The following PTPRD variants were observed in gnomAD, a reference collection of about 807,000 sequenced individuals.
The protein encoded by PTPRD is protein tyrosine phosphatase receptor type D, also known as receptor-type tyrosine-protein phosphatase delta.
PTPRD carries 34 observed loss-of-function variants against 214.5 expected under a neutral mutation model. That is an observed-to-expected ratio of 0.16 (90% CI 0.12 to 0.21). The LOEUF (loss-of-function observed/expected upper bound fraction) is 0.21. PTPRD is among the 10% of genes least tolerant of loss of function. The pLI is 1.00. For synonymous variants in PTPRD, 1,128 were observed against 845.7 expected (o/e 1.33, Z -5.79); for missense variants, 2,545 against 2,398.7 (o/e 1.06, Z -1.27).
intron 8 of PTPRD, among the ~76,000 whole-genome samples, chr9:9,466,454 GA>G (rs1317971754): frequency 6.6e-6 from 1 of 152,038 alleles, no homozygotes; most frequent in Non-Finnish European, 1.5e-5. Flanking sequence ...AATCACTGTA[GA>G]AAAAAATAAT....
chr9:10,226,442 A>G (rs1227650762), intron 3 of PTPRD, among the ~76,000 whole-genome samples: 1 of 152,036 alleles, frequency 6.6e-6, no homozygotes, highest in East Asian at 1.9e-4. Context: ...GAGGCTGAGT[A>G]TGAGGGAGGC....
At chr9:9,566,272 CAT>C (rs1369927812) in intron 8 of PTPRD, among the ~76,000 whole-genome samples, 2 of 151,878 alleles carry the variant, frequency 1.3e-5, no homozygotes, top group African/African-American at 4.8e-5. Context: ...ATAATTTGCA[CAT>C]GTTGATCTGT....
In PTPRD at chr9:9,462,880, G is replaced by C. The variant is rs10977781; in HGVS notation, c.-236-65398C>G. Among the ~76,000 whole-genome samples the C allele has an allele frequency of 5.5e-3, 830 of 152,152 alleles. 4 individuals carry two copies. Among genetic ancestry groups the C allele is most frequent in the African/African-American group, 0.019 (775 of 41,518 alleles). ...CCCTTAGTCTTTACCAAAAGTTCTT[G>C]TCTGCTGTGACCCACAAAAAATGAA... On this transcript the variant is annotated intron_variant, in intron 8 of 45. Transcript: ENST00000381196.
chr9:9,537,681 A>C (rs2154269373), intron 8 of PTPRD, among the ~76,000 whole-genome samples: 1 of 152,062 alleles, frequency 6.6e-6, no homozygotes, highest in African/African-American at 2.4e-5. Flanking sequence ...GATATCACCT[A>C]ATAGCTTTAT....
At chr9:9,593,058 A>T (rs2092903595) in intron 7 of PTPRD, among the ~76,000 whole-genome samples, 1 of 151,372 alleles carries the variant, frequency 6.6e-6, no homozygotes, top group African/African-American at 2.4e-5. Context: ...GAGAAAGAGA[A>T]AGAGAGAAAG....
intron 4 of PTPRD, among the ~76,000 whole-genome samples, chr9:10,006,745 G>T (rs2096485481): frequency 6.6e-6 from 1 of 151,816 alleles, no homozygotes; most frequent in Non-Finnish European, 1.5e-5. Flanking sequence ...TATTGCTCCA[G>T]CCTATCAATG....
At chr9:8,906,607 T>C (rs529555305) in intron 11 of PTPRD, among the ~76,000 whole-genome samples, 18 of 152,170 alleles carry the variant, frequency 1.2e-4, no homozygotes, top group Non-Finnish European at 2.4e-4. Context: ...AGGATTTACT[T>C]GTAAAAAGTG....
intron 3 of PTPRD, among the ~76,000 whole-genome samples, chr9:10,137,597 T>C (rs1238478101): frequency 2.3e-5 from 2 of 88,588 alleles, no homozygotes; most frequent in Non-Finnish European, 4.2e-5. Context: ...ATATACCTAA[T>C]GCTAGATGAC....
At chr9:10,153,614 T>A (rs1390649041) in intron 3 of PTPRD, among the ~76,000 whole-genome samples, 1 of 152,096 alleles carries the variant, frequency 6.6e-6, no homozygotes, top group Admixed American at 6.6e-5. Flanking sequence ...TCACTGAGGT[T>A]TCTTGTACAG....
chr9:10,534,157 T>A (rs1447802704), intron 2 of PTPRD, among the ~76,000 whole-genome samples: 1 of 151,894 alleles, frequency 6.6e-6, no homozygotes, highest in Admixed American at 6.6e-5. Flanking sequence ...TATATCAGCA[T>A]TGTAGTGTAA....
intron 2 of PTPRD, among the ~76,000 whole-genome samples, chr9:10,555,787 G>A (rs2062432327): frequency 6.6e-6 from 1 of 152,002 alleles, no homozygotes; most frequent in Non-Finnish European, 1.5e-5. Flanking sequence ...AATAAACACT[G>A]CCAAACAAAT....
At chr9:8,683,537 C>T (rs1415086495) in intron 12 of PTPRD, among the ~76,000 whole-genome samples, 1 of 152,134 alleles carries the variant, frequency 6.6e-6, no homozygotes, top group East Asian at 1.9e-4. Flanking sequence ...CCCACCTCCT[C>T]TATATGTCAT....
At chr9:8,668,063 G>A (rs1373458840) in intron 12 of PTPRD, among the ~76,000 whole-genome samples, 1 of 152,136 alleles carries the variant, frequency 6.6e-6, no homozygotes, top group Non-Finnish European at 1.5e-5. Flanking sequence ...TTGCAAAAGT[G>A]AAGATACCCA....
At chr9:8,376,255 T>C (rs2083213183) in intron 38 of PTPRD, among the ~76,000 whole-genome samples, 165 bp from the exon 39 acceptor site, 1 of 152,112 alleles carries the variant, frequency 6.6e-6, no homozygotes, top group Non-Finnish European at 1.5e-5. Context: ...CCAAGCTATT[T>C]GTAAATGACA....
At chr9:9,203,557 C>T (rs2099943127) in intron 9 of PTPRD, among the ~76,000 whole-genome samples, 2 of 152,112 alleles carry the variant, frequency 1.3e-5, no homozygotes, top group South Asian at 4.1e-4. Context: ...CTATCAGTCC[C>T]ACTGTTACAG....
intron 2 of PTPRD, among the ~76,000 whole-genome samples, chr9:10,436,751 A>T (rs192206368): frequency 6.6e-6 from 1 of 151,712 alleles, no homozygotes; most frequent in African/African-American, 2.4e-5. Context: ...ATTTGGATGA[A>T]TCTCTGTCCA....
intron 5 of PTPRD, among the ~76,000 whole-genome samples, chr9:9,937,877 A>G (rs1054815004): frequency 1.3e-5 from 2 of 152,194 alleles, no homozygotes; most frequent in South Asian, 4.1e-4. Context: ...CCAAAGTTTC[A>G]TATTAATGTT....
At chr9:8,643,482 GGCA>G in intron 12 of PTPRD, among the ~76,000 whole-genome samples, 3 of 152,324 alleles carry the variant, frequency 2.0e-5, no homozygotes, top group African/African-American at 7.2e-5. Flanking sequence ...CCCTCATGAT[GGCA>G]GCAGCAGCAG....
intron 3 of PTPRD, among the ~76,000 whole-genome samples, chr9:10,151,124 G>C (rs943587348): frequency 6.9e-6 from 1 of 145,980 alleles, no homozygotes; most frequent in East Asian, 2.0e-4. Flanking sequence ...ACAGTGGTGC[G>C]ATCTCGGCTC....
Sources: gnomAD v4.1 joint callset for allele counts (sites outside exome capture counted in the v4.1 genomes callset) on GRCh38, gnomAD v4.1.1 for gene constraint, MANE v1.5 for transcripts, NCBI Gene and HGNC (gene_info 2026-07-23, HGNC 2026-07-21) for gene names.